Variants in SESTD1 observed in about 807,000 individuals in gnomAD.
SESTD1 encodes SEC14 and spectrin domain containing 1, also known as SEC14 domain and spectrin repeat-containing protein 1.
In SESTD1, 43 loss-of-function variants were observed where a neutral mutation model predicts 101.7. The observed-to-expected ratio is 0.42, with a 90% CI of 0.33 to 0.55. The LOEUF (loss-of-function observed/expected upper bound fraction) is 0.55. Ranked by LOEUF, SESTD1 falls within the 20% of genes least tolerant of loss-of-function variation. SESTD1 has a pLI of 0.07. For synonymous variants in SESTD1, 283 were observed against 286.8 expected (o/e 0.99, Z 0.13); for missense variants, 647 against 815.1 (o/e 0.79, Z 2.51).
At chr2:179,182,664 T>A (rs191945565) in intron 3 of SESTD1, among the ~76,000 whole-genome samples, 203 of 152,278 alleles carry the variant, frequency 1.3e-3, no homozygotes, top group African/African-American at 4.6e-3. Flanking sequence ...TGACATTTTT[T>A]AAAATAAAAA....
At chr2:179,149,876 G>C (rs1166859241) in intron 6 of SESTD1, among the ~76,000 whole-genome samples, 1 of 152,070 alleles carries the variant, frequency 6.6e-6, no homozygotes, top group African/African-American at 2.4e-5. Flanking sequence ...AAGGAATTTG[G>C]GCAAGTCTGT....
chr2:179,245,670 G>C (rs559904432), intron 1 of SESTD1, among the ~76,000 whole-genome samples: 190 of 151,998 alleles, frequency 1.3e-3, no homozygotes, highest in African/African-American at 4.4e-3. Context: ...CTGGGCAACA[G>C]AGTGAGACCC....
At chr2:179,129,505 T>G (rs1466160665) in intron 10 of SESTD1, among the ~76,000 whole-genome samples, 3 of 152,148 alleles carry the variant, frequency 2.0e-5, no homozygotes, top group Non-Finnish European at 4.4e-5. Context: ...CCTAACAAAT[T>G]TGGGGTTTTT....
intron 1 of SESTD1, among the ~76,000 whole-genome samples, chr2:179,239,691 T>C (rs1419335218): frequency 6.6e-6 from 1 of 152,206 alleles, no homozygotes; most frequent in African/African-American, 2.4e-5. Flanking sequence ...TGGCCAAGTC[T>C]TTATCATTAT....
chr2:179,154,080 CAA>C (rs748598701), intron 5 of SESTD1, among the ~76,000 whole-genome samples: 6 of 60,724 alleles, frequency 9.9e-5, no homozygotes, highest in Middle Eastern at 7.4e-3. Context: ...CCAATCTCTA[CAA>C]AAAAAAAAAA....
intron 1 of SESTD1, among the ~76,000 whole-genome samples, chr2:179,193,625 G>T (rs1424800845): frequency 1.3e-5 from 2 of 152,116 alleles, no homozygotes; most frequent in Non-Finnish European, 2.9e-5. Context: ...TGTTTTAAAC[G>T]ATTTCTTTTT....
In SESTD1 at chr2:179,209,468, T is replaced by C. The variant is rs543543088; in HGVS notation, c.-25-17602A>G. ...ACATTCTCCAAGACAGATCATACGA[T>C]AAGCCAAAAAACAAGTCTAATACAT... is the stretch of plus-strand genomic sequence containing the variant. On this transcript the variant is annotated intron_variant, in intron 1 of 17. Transcript: ENST00000428443. 1.5e-5 allele frequency among the ~76,000 whole-genome samples: 2 copies of C among 134,608 alleles called. 1 individual carries two copies. Among genetic ancestry groups the C allele is most frequent in the Admixed American group, 1.4e-4 (2 of 13,874 alleles). The allele number at this position is 134,608 out of a possible 152,430, so 88.3% of individuals were successfully genotyped here.
intron 5 of SESTD1, among the ~76,000 whole-genome samples, chr2:179,158,672 T>C (rs1467205594): frequency 6.6e-6 from 1 of 152,186 alleles, no homozygotes; most frequent in Non-Finnish European, 1.5e-5. Flanking sequence ...TAGTTTTAAA[T>C]AAGGGAAGGA....
At chr2:179,186,207 C>T (rs2105491179) in intron 2 of SESTD1, among the ~76,000 whole-genome samples, 1 of 151,870 alleles carries the variant, frequency 6.6e-6, no homozygotes, top group Non-Finnish European at 1.5e-5. Flanking sequence ...CAAGATAATG[C>T]AGTCCAAATA....
chr2:179,159,531 G>C (rs935066267), intron 5 of SESTD1, among the ~76,000 whole-genome samples: 1 of 152,146 alleles, frequency 6.6e-6, no homozygotes, highest in African/African-American at 2.4e-5. Context: ...ACTGTGTAGA[G>C]ATTTCTAGAT....
intron 1 of SESTD1, among the ~76,000 whole-genome samples, chr2:179,242,399 C>T (rs2047167579): frequency 6.6e-6 from 1 of 152,012 alleles, no homozygotes; most frequent in South Asian, 2.1e-4. Context: ...CCAAAGCAAT[C>T]TACAGATTTA....
At chr2:179,218,297 TA>T (rs59574294) in intron 1 of SESTD1, among the ~76,000 whole-genome samples, 51,548 of 149,714 alleles carry the variant, frequency 0.34, 8,924 homozygotes, top group Middle Eastern at 0.48. Flanking sequence ...AAAAATACCT[TA>T]AAAAAAAAAC....
intron 13 of SESTD1, among the ~76,000 whole-genome samples, chr2:179,120,844 A>AGTT (rs1026143913): frequency 1.7e-4 from 26 of 152,298 alleles, no homozygotes; most frequent in African/African-American, 6.0e-4. Context: ...AAAGACAAAG[A>AGTT]GTTGAAGAGG....
chr2:179,201,898 A>C lies in SESTD1; in HGVS notation c.-25-10032T>G, dbSNP rs1383900426. Among the ~76,000 whole-genome samples the C allele has an allele frequency of 3.5e-5, 4 of 115,634 alleles. No individual in the cohort carries two copies. In the East Asian group the frequency reaches 8.5e-4, roughly 25 times the overall value. 75.9% of individuals were successfully genotyped at this position (115,634 alleles called of 152,430 possible). ...TGTAACTAACCTGCACATTGTGCAC[A>C]TGTACCCTAAAACTTAAAGTATAAT... On this transcript the variant is annotated intron_variant, in intron 1 of 17. Coordinates refer to ENST00000428443, the MANE Select transcript of SESTD1 (RefSeq NM_178123.5).
chr2:179,160,466 AATTAT>A (rs1411823477), intron 5 of SESTD1, among the ~76,000 whole-genome samples: 4 of 151,606 alleles, frequency 2.6e-5, no homozygotes, highest in African/African-American at 2.4e-5. Context: ...AAATATATAT[AATTAT>A]ATTAGATTAT....
At chr2:179,120,133 G>A (rs1340156948) in intron 13 of SESTD1, among the ~76,000 whole-genome samples, 2 of 152,034 alleles carry the variant, frequency 1.3e-5, no homozygotes, top group African/African-American at 4.8e-5. Flanking sequence ...GAAGGCTGAG[G>A]CAGAAGAATC....
chr2:179,147,258 TGAG>T (rs1382084216), intron 7 of SESTD1, among the ~76,000 whole-genome samples: 1 of 151,886 alleles, frequency 6.6e-6, no homozygotes, highest in East Asian at 1.9e-4. Flanking sequence ...GTCAGTTCCT[TGAG>T]GAGGAACTGG....
intron 5 of SESTD1, among the ~76,000 whole-genome samples, chr2:179,169,905 C>T (rs759840222): frequency 5.5e-5 from 8 of 146,770 alleles, no homozygotes; most frequent in Non-Finnish European, 1.0e-4. Flanking sequence ...ACCTGGGAGG[C>T]GGAGGTTGCA....
chr2:179,137,352 G>C (rs1236479588), intron 9 of SESTD1, among the ~76,000 whole-genome samples: 1 of 152,104 alleles, frequency 6.6e-6, no homozygotes, highest in Admixed American at 6.6e-5. Flanking sequence ...CAGGCAGAAG[G>C]GCATGTCAAG....
Sources: gnomAD v4.1 joint callset for allele counts (sites outside exome capture counted in the v4.1 genomes callset) on GRCh38, gnomAD v4.1.1 for gene constraint, MANE v1.5 for transcripts, NCBI Gene and HGNC (gene_info 2026-07-23, HGNC 2026-07-21) for gene names.